Variants in CTNND2 observed in about 807,000 individuals in gnomAD.
The protein encoded by CTNND2 is catenin delta-2.
CTNND2 carries 22 observed loss-of-function variants against 144.4 expected under a neutral mutation model. That is an observed-to-expected ratio of 0.15 (90% CI 0.11 to 0.22). CTNND2 has a LOEUF of 0.22. Ranked by LOEUF, CTNND2 falls within the 10% of genes least tolerant of loss-of-function variation. CTNND2 has a pLI of 1.00. For missense variants in CTNND2, 1,353 were observed against 1,618.8 expected, an observed-to-expected ratio of 0.84 and a Z score of 2.82; for synonymous variants, 751 against 695.6, an observed-to-expected ratio of 1.08 and a Z score of -1.25.
At chr5:11,539,742 T>G (rs1030151803) in intron 3 of CTNND2, among the ~76,000 whole-genome samples, 1 of 152,170 alleles carries the variant, frequency 6.6e-6, no homozygotes, top group Non-Finnish European at 1.5e-5. Flanking sequence ...CATTTAAAAT[T>G]ACCATTGTGG....
chr5:11,581,874 G>A (rs116009472), intron 2 of CTNND2, among the ~76,000 whole-genome samples: 1,551 of 152,216 alleles, frequency 0.01, 11 homozygotes, highest in Non-Finnish European at 0.015. Flanking sequence ...GGGAAGGGAC[G>A]GTTTGAACTT....
chr5:11,114,091 T>A (rs1753299702), intron 13 of CTNND2, among the ~76,000 whole-genome samples: 1 of 152,120 alleles, frequency 6.6e-6, no homozygotes, highest in African/African-American at 2.4e-5. Context: ...CTCAGGGCGA[T>A]GCATGAAAGA....
At chr5:11,503,485 T>C (rs921001533) in intron 3 of CTNND2, among the ~76,000 whole-genome samples, 2 of 152,254 alleles carry the variant, frequency 1.3e-5, no homozygotes, top group Non-Finnish European at 2.9e-5. Context: ...TCAGCTTTTA[T>C]TTTGAATGAA....
At chr5:11,713,959 C>T (rs1786190184) in intron 2 of CTNND2, among the ~76,000 whole-genome samples, 1 of 152,132 alleles carries the variant, frequency 6.6e-6, no homozygotes, top group Admixed American at 6.5e-5. Flanking sequence ...CTGAGGACTC[C>T]ATTCAAGTAT....
intron 9 of CTNND2, among the ~76,000 whole-genome samples, chr5:11,342,562 A>G (rs1255788141): frequency 1.3e-5 from 2 of 152,254 alleles, no homozygotes; most frequent in Admixed American, 6.5e-5. Context: ...GATAGTGTAC[A>G]CCAAGGATTA....
chr5:11,891,301 A>T (rs192306687), intron 1 of CTNND2, among the ~76,000 whole-genome samples: 35 of 152,348 alleles, frequency 2.3e-4, no homozygotes, highest in Non-Finnish European at 3.8e-4. Flanking sequence ...AAAATAGCTC[A>T]AAGAGCTTCA....
rs369076407 is a variant in CTNND2 at position 11,186,005 on chromosome 5, GA to G, written c.1975+13442del. On this transcript the variant is annotated intron_variant, in intron 11 of 21. Transcript: ENST00000304623. ...TATGCATTGTCAGACCTAACAAATG[GA>G]AATGCGCTGTACATTTCAATCTCGG... 3.3e-3 allele frequency among the ~76,000 whole-genome samples: 502 copies of G among 152,340 alleles called. 1 individual carries two copies. The highest frequency in any genetic ancestry group is 0.015 in the South Asian group (73 of 4,826).
rs532566901 is a variant in CTNND2, at chr5:11,022,704, A to G, written c.2999+65T>C. 3.4e-6 allele frequency: 4 copies of G among 1,177,858 alleles called. No individual in the cohort carries two copies. The South Asian group carries it at 3.7e-5, about 11-fold the overall frequency. 73.0% of individuals were successfully genotyped at this position (1,177,858 alleles called of 1,614,324 possible). ...AGTCATAGTACTACCCGTCATCAGG[A>G]GTTGAAAGGCACATTCAGAACCAAT... is the stretch of plus-strand genomic sequence containing the variant. On this transcript the variant is annotated intron_variant, in intron 17 of 21. Transcript: ENST00000304623.
intron 1 of CTNND2, among the ~76,000 whole-genome samples, chr5:11,895,670 A>T (rs1467251338): frequency 5.4e-5 from 1 of 18,596 alleles, no homozygotes; most frequent in East Asian, 3.0e-3. Flanking sequence ...TATGCTCCCA[A>T]AATAGGAACC....
At chr5:11,300,065 A>G (rs1191602698) in intron 9 of CTNND2, among the ~76,000 whole-genome samples, 2 of 152,216 alleles carry the variant, frequency 1.3e-5, no homozygotes, top group Admixed American at 1.3e-4. Context: ...GAAGATCATA[A>G]GAGCCTCTGG....
At chr5:11,899,109 G>A (rs559873365) in intron 1 of CTNND2, among the ~76,000 whole-genome samples, 11 of 152,232 alleles carry the variant, frequency 7.2e-5, no homozygotes, top group African/African-American at 2.4e-4. Flanking sequence ...TCTCTTCAAG[G>A]ACTTGATTTT....
intron 9 of CTNND2, among the ~76,000 whole-genome samples, chr5:11,242,137 A>AAAGAAATC (rs1379230924): frequency 5.3e-5 from 8 of 152,354 alleles, no homozygotes; most frequent in African/African-American, 1.9e-4. Flanking sequence ...CTGTTGTGAA[A>AAAGAAATC]AAGAAATCGA....
chr5:11,760,411 T>G (rs1191256815), intron 1 of CTNND2, among the ~76,000 whole-genome samples: 1 of 152,158 alleles, frequency 6.6e-6, no homozygotes, highest in Non-Finnish European at 1.5e-5. Context: ...CATTTCAATT[T>G]TATCTAATAA....
chr5:11,311,794 CACACA>C (rs1750910352), intron 9 of CTNND2, among the ~76,000 whole-genome samples: 1 of 147,402 alleles, frequency 6.8e-6, no homozygotes, highest in Non-Finnish European at 1.5e-5. Flanking sequence ...CACACACACA[CACACA>C]CACTCCCCAT....
At chr5:11,893,506 TTC>T (rs1297369355) in intron 1 of CTNND2, among the ~76,000 whole-genome samples, 1 of 152,166 alleles carries the variant, frequency 6.6e-6, no homozygotes, top group African/African-American at 2.4e-5. Flanking sequence ...ATTATAATAG[TTC>T]TGTTTCTAAA....
intron 1 of CTNND2, among the ~76,000 whole-genome samples, chr5:11,873,238 G>A (rs1413413252): frequency 6.6e-6 from 1 of 152,212 alleles, no homozygotes; most frequent in East Asian, 1.9e-4. Flanking sequence ...GATGTTTACA[G>A]TGTTTATGGC....
At chr5:11,243,222 G>C (rs1471970897) in intron 9 of CTNND2, among the ~76,000 whole-genome samples, 1 of 152,230 alleles carries the variant, frequency 6.6e-6, no homozygotes, top group East Asian at 1.9e-4. Flanking sequence ...CAGTGTGCTA[G>C]AGTGGGAAAT....
intron 2 of CTNND2, among the ~76,000 whole-genome samples, chr5:11,576,665 GAC>G (rs1777993991): frequency 2.0e-5 from 3 of 151,914 alleles, no homozygotes; most frequent in Non-Finnish European, 4.4e-5. Flanking sequence ...TCATAAAATT[GAC>G]ACTTTCAGAT....
At chr5:11,704,793 C>T (rs1054661716) in intron 2 of CTNND2, among the ~76,000 whole-genome samples, 3 of 151,764 alleles carry the variant, frequency 2.0e-5, no homozygotes. Context: ...GAAAAAGCTG[C>T]CTACATAAAG....
Sources: allele counts gnomAD v4.1 joint callset (sites outside exome capture counted in the v4.1 genomes callset), GRCh38; gene constraint gnomAD v4.1.1; transcripts MANE v1.5; gene names NCBI Gene and HGNC (gene_info 2026-07-23, HGNC 2026-07-21).